The following HS6ST3 variants were observed in gnomAD, a reference collection of about 807,000 sequenced individuals.
HS6ST3 encodes the protein heparan-sulfate 6-O-sulfotransferase 3.
A neutral mutation model predicts 36.7 loss-of-function variants in HS6ST3; 12 were observed. That is an observed-to-expected ratio of 0.33 (90% CI 0.21 to 0.53). HS6ST3 has a LOEUF of 0.53. Ranked by LOEUF, HS6ST3 falls within the 20% of genes least tolerant of loss-of-function variation. The probability of loss-of-function intolerance (pLI) is 0.95; values close to 1 mark genes in which losing one functional copy is unlikely to be tolerated. For missense variants in HS6ST3, 584 were observed against 640.9 expected (o/e 0.91, Z 0.96); for synonymous variants, 240 against 257.5 (o/e 0.93, Z 0.65).
intron 1 of HS6ST3, among the ~76,000 whole-genome samples, chr13:96,124,574 C>G (rs138519981): frequency 6.6e-6 from 1 of 152,030 alleles, no homozygotes; most frequent in African/African-American, 2.4e-5. Context: ...GTAACAGCAG[C>G]GAGGATGGAT....
rs557442465 is a variant in HS6ST3, at chr13:96,721,865, C to T, written c.708-110625C>T. On this transcript the variant is annotated intron_variant, in intron 1 of 1. Transcript: ENST00000376705. Reference sequence around the variant, plus strand: ...AATTTAAGTAATAAATATAAAGGGTCTTATTTCACTTTAAATCAGGTTTTG... The same window carrying T: ...AATTTAAGTAATAAATATAAAGGGTTTTATTTCACTTTAAATCAGGTTTTG... 1.5e-4 allele frequency among the ~76,000 whole-genome samples: 23 copies of T among 152,122 alleles called. No individual in the cohort carries two copies. The South Asian group carries it at 4.4e-3, about 29-fold the overall frequency.
intron 1 of HS6ST3, among the ~76,000 whole-genome samples, chr13:96,303,368 T>G (rs1261209579): frequency 6.6e-6 from 1 of 152,178 alleles, no homozygotes; most frequent in Non-Finnish European, 1.5e-5. Context: ...GACCTGACCT[T>G]GTGGGCTACA....
chr13:96,432,170 C>T lies in HS6ST3; in HGVS notation c.707+340601C>T, dbSNP rs79370732. On this transcript the variant is annotated intron_variant, in intron 1 of 1. Transcript: ENST00000376705. ...TGCCAAAGTGATACCTTATCCCTAA[C>T]TTGGACCAGCTAAGGTGCTCTCTTA... is the stretch of plus-strand genomic sequence containing the variant. Among the ~76,000 whole-genome samples, 132 of 152,320 alleles carry T rather than the reference C, an allele frequency of 8.7e-4. 2 individuals are homozygous for T. The East Asian group carries it at 0.025, about 29-fold the overall frequency.
intron 1 of HS6ST3, among the ~76,000 whole-genome samples, chr13:96,653,879 G>T (rs1428065673): frequency 6.6e-6 from 1 of 152,136 alleles, no homozygotes; most frequent in African/African-American, 2.4e-5. Flanking sequence ...GTTGTTTCCT[G>T]ACTTTTTAAC....
chr13:96,358,080 A>G (rs1157733983), intron 1 of HS6ST3, among the ~76,000 whole-genome samples: 1 of 152,224 alleles, frequency 6.6e-6, no homozygotes, highest in African/African-American at 2.4e-5. Context: ...AAAGTGCAAT[A>G]AAGTGAAGTG....
chr13:96,751,665 G>T (rs908809148), intron 1 of HS6ST3, among the ~76,000 whole-genome samples: 1 of 151,832 alleles, frequency 6.6e-6, no homozygotes, highest in African/African-American at 2.4e-5. Context: ...AAGAAGGCAG[G>T]CATGTAACTA....
chr13:96,270,506 A>C (rs1290428310), intron 1 of HS6ST3, among the ~76,000 whole-genome samples: 2 of 151,924 alleles, frequency 1.3e-5, no homozygotes, highest in Non-Finnish European at 1.5e-5. Context: ...TAAATTTAAA[A>C]AGTTGGATTA....
chr13:96,140,857 A>G (rs2054028746), intron 1 of HS6ST3, among the ~76,000 whole-genome samples: 1 of 152,192 alleles, frequency 6.6e-6, no homozygotes, highest in African/African-American at 2.4e-5. Context: ...ACTTAAAGAA[A>G]AAGGAAGGGG....
At chr13:96,766,048 A>C (rs1877106044) in intron 1 of HS6ST3, among the ~76,000 whole-genome samples, 1 of 152,186 alleles carries the variant, frequency 6.6e-6, no homozygotes, top group African/African-American at 2.4e-5. Context: ...AAGTTGGTCT[A>C]AGCTCCATTC....
At chr13:96,228,103 G>A (rs959581221) in intron 1 of HS6ST3, among the ~76,000 whole-genome samples, 1 of 152,100 alleles carries the variant, frequency 6.6e-6, no homozygotes, top group East Asian at 1.9e-4. Flanking sequence ...TTCAGGCTTT[G>A]TGGGCCATAT....
intron 1 of HS6ST3, among the ~76,000 whole-genome samples, chr13:96,799,538 A>C (rs980922590): frequency 4.0e-5 from 6 of 151,648 alleles, no homozygotes; most frequent in Non-Finnish European, 8.8e-5. Flanking sequence ...AGAACAAAAA[A>C]CCAAACACCG....
chr13:96,621,183 T>C (rs1255807293), intron 1 of HS6ST3, among the ~76,000 whole-genome samples: 1 of 152,206 alleles, frequency 6.6e-6, no homozygotes, highest in Non-Finnish European at 1.5e-5. Context: ...TAATGGGGCA[T>C]GAGGGAACCT....
At chr13:96,097,482 A>T (rs2053797171) in intron 1 of HS6ST3, among the ~76,000 whole-genome samples, 1 of 152,228 alleles carries the variant, frequency 6.6e-6, no homozygotes, top group African/African-American at 2.4e-5. Flanking sequence ...GAAAACAATT[A>T]AATGGAAAAT....
intron 1 of HS6ST3, among the ~76,000 whole-genome samples, chr13:96,384,768 G>C (rs1566344928): frequency 6.6e-6 from 1 of 152,178 alleles, no homozygotes; most frequent in Admixed American, 6.5e-5. Flanking sequence ...GTAAGGGACA[G>C]AGTGATTGCA....
chr13:96,166,816 A>G (rs1168562448), intron 1 of HS6ST3, among the ~76,000 whole-genome samples: 3 of 152,158 alleles, frequency 2.0e-5, no homozygotes, highest in African/African-American at 7.2e-5. Flanking sequence ...CCCACGTGTT[A>G]TAGCAGGGAC....
At chr13:96,692,044 G>T (rs1403784537) in intron 1 of HS6ST3, among the ~76,000 whole-genome samples, 4 of 152,108 alleles carry the variant, frequency 2.6e-5, no homozygotes, top group African/African-American at 9.7e-5. Context: ...ATGACTCAGA[G>T]AAAGACTAGT....
chr13:96,121,581 A>G (rs1246282794), intron 1 of HS6ST3, among the ~76,000 whole-genome samples: 1 of 152,258 alleles, frequency 6.6e-6, no homozygotes, highest in Non-Finnish European at 1.5e-5. Context: ...CCAGTTCATA[A>G]CAGCAACCAT....
At chr13:96,779,292 C>T (rs1877468861) in intron 1 of HS6ST3, among the ~76,000 whole-genome samples, 1 of 150,928 alleles carries the variant, frequency 6.6e-6, no homozygotes, top group Non-Finnish European at 1.5e-5. Context: ...AAGTTCTGCA[C>T]ATGTATTCCA....
At chr13:96,345,017 T>C (rs778313116) in intron 1 of HS6ST3, among the ~76,000 whole-genome samples, 2 of 152,208 alleles carry the variant, frequency 1.3e-5, no homozygotes, top group Non-Finnish European at 2.9e-5. Flanking sequence ...AAAATTATCT[T>C]CAGGTTTCAT....
Sources: gnomAD v4.1 joint callset for allele counts (sites outside exome capture counted in the v4.1 genomes callset) on GRCh38, gnomAD v4.1.1 for gene constraint, MANE v1.5 for transcripts, NCBI Gene and HGNC (gene_info 2026-07-23, HGNC 2026-07-21) for gene names.